Variants in GNAS observed in about 807,000 individuals in gnomAD.
GNAS encodes GNAS complex locus.
Under a neutral mutation model 54.5 loss-of-function variants are expected in GNAS, and 8 were observed. The ratio of observed to expected loss-of-function variants is 0.15; its 90% CI spans 0.09 to 0.26. The LOEUF (loss-of-function observed/expected upper bound fraction) is 0.26, where lower values mean the gene tolerates loss of function less well. GNAS is among the 10% of genes least tolerant of loss of function. GNAS has a pLI of 1.00. For missense variants in GNAS, 170 were observed against 529.8 expected (o/e 0.32, Z 6.67); for synonymous variants, 204 against 191.4 (o/e 1.07, Z -0.54).
At chr20:58,908,529 C>T (rs1221802730) in intron 6 of GNAS, among the ~76,000 whole-genome samples, 1 of 151,724 alleles carries the variant, frequency 6.6e-6, no homozygotes, top group African/African-American at 2.4e-5. Context: ...AAAACAATCT[C>T]GTGTGCCCTT....
At chr20:58,881,723 G>A (rs1002935231) in intron 1 of GNAS, 2 of 152,220 alleles carry the variant, frequency 1.3e-5, no homozygotes, top group African/African-American at 4.8e-5. Context: ...CCCATACCCG[G>A]GGGTAATCAT....
At chr20:58,899,834 C>G in intron 3 of GNAS, 1 of 686,084 alleles carries the variant, frequency 1.5e-6, no homozygotes, top group Admixed American at 2.2e-5. Context: ...GAACCATTGA[C>G]TTAGTTTAGG....
chr20:58,883,307 C>T (rs773118740), intron 1 of GNAS, among the ~76,000 whole-genome samples: 8 of 152,016 alleles, frequency 5.3e-5, no homozygotes, highest in Non-Finnish European at 8.8e-5. Flanking sequence ...TCAATTTTTT[C>T]GGTGTAATTA....
chr20:58,855,957 C>T (rs1600723524), intron 1 of GNAS: 1 of 343,630 alleles, frequency 2.9e-6, no homozygotes, highest in East Asian at 5.0e-5. Context: ...TTTCGCTGTT[C>T]GCACACTCTG....
chr20:58,878,685 G>A (rs2088002336), intron 1 of GNAS, among the ~76,000 whole-genome samples: 1 of 152,064 alleles, frequency 6.6e-6, no homozygotes, highest in African/African-American at 2.4e-5. Context: ...GAGGAACAGT[G>A]ATCTGGCTGA....
intron 2 of GNAS, among the ~76,000 whole-genome samples, chr20:58,897,113 G>C (rs998076577): frequency 1.3e-5 from 2 of 152,210 alleles, no homozygotes; most frequent in Non-Finnish European, 2.9e-5. Context: ...GATTGGTTGG[G>C]ATGCACAGGG....
chr20:58,861,033 G>A (rs1214407022), intron 1 of GNAS, among the ~76,000 whole-genome samples: 2 of 152,068 alleles, frequency 1.3e-5, no homozygotes, highest in African/African-American at 4.8e-5. Context: ...ATTCCCAAAG[G>A]CAGCCATGCT....
chr20:58,891,863 TG>T lies in GNAS; in HGVS notation c.139+1del. 1.7e-6 allele frequency: 2 copies of T among 1,208,324 alleles called. No individual in the cohort carries two copies. Among genetic ancestry groups the T allele is most frequent in the Non-Finnish European group, 1.1e-6 (1 of 935,552 alleles). 74.9% of individuals were successfully genotyped at this position (1,208,324 alleles called of 1,614,324 possible). On this transcript the variant is annotated frameshift_variant and splice_region_variant, in exon 1 of 13. Transcript: ENST00000371085. LOFTEE classifies it high-confidence loss of function. ...VYRATHRLLLLGAGESGKSTI... is the reference protein window; with the variant it reads ...VYRATHRLLLXGAGESGKSTI... The stretch of plus-strand genomic sequence containing the variant: ...CGGGCCACGCACCGCCTGCTGCTGC[TG>T]GGTAAGGGCGGGCGGGGGGCGCCGG...
upstream of GNAS, among the ~76,000 whole-genome samples, chr20:58,890,173 AGAG>A (rs1298515734): frequency 1.3e-5 from 2 of 151,720 alleles, no homozygotes; most frequent in African/African-American, 4.8e-5. Context: ...AAGGAGAAGG[AGAG>A]GAAGAAGATG....
At chr20:58,891,024 A>G (rs2089186966), upstream of GNAS, among the ~76,000 whole-genome samples, 1 of 148,906 alleles carries the variant, frequency 6.7e-6, no homozygotes, top group African/African-American at 2.5e-5. Flanking sequence ...GCGCCGGGCG[A>G]CGCGGTCCGG....
chr20:58,875,048 A>G (rs1203712314), intron 1 of GNAS, among the ~76,000 whole-genome samples: 1 of 152,162 alleles, frequency 6.6e-6, no homozygotes, highest in African/African-American at 2.4e-5. Flanking sequence ...TATCTGTGTA[A>G]TACAGATTGC....
chr20:58,872,917 G>A (rs2087562885), intron 1 of GNAS, among the ~76,000 whole-genome samples: 1 of 152,198 alleles, frequency 6.6e-6, no homozygotes, highest in Non-Finnish European at 1.5e-5. Context: ...CTAATTTGTT[G>A]TGGTTGGACC....
At position 58,854,799 on chromosome 20, in the gene GNAS, C is replaced by T. The variant is rs766854994; in HGVS notation, c.43+13913C>T. ...TGCCACCCGGGCAGCCCAAGTCCGC[C>T]GGGCGGCCTCTGCAGCCCCTGCCTC... On this transcript the variant is annotated intron_variant, in intron 1 of 12. Transcript: ENST00000306090. 4.3e-5 allele frequency: 68 copies of T among 1,580,976 alleles called. No individual in the cohort carries two copies. The highest frequency in any genetic ancestry group is 4.2e-5 in the Non-Finnish European group (49 of 1,170,726).
chr20:58,891,205 G>C (rs537766743), upstream of GNAS: 45 of 149,266 alleles, frequency 3.0e-4, 1 homozygote, highest in East Asian at 8.0e-3. Flanking sequence ...CGGGCTCCCG[G>C]GGGGCCGCCT....
intron 2 of GNAS, among the ~76,000 whole-genome samples, chr20:58,896,637 A>G (rs141070224): frequency 2.6e-3 from 396 of 152,206 alleles, no homozygotes; most frequent in Non-Finnish European, 4.7e-3. Context: ...AAAAAAAAGA[A>G]AAAGAAAAAA....
intron 6 of GNAS, among the ~76,000 whole-genome samples, chr20:58,906,363 C>T (rs2091047600): frequency 6.6e-6 from 1 of 152,142 alleles, no homozygotes. Context: ...ACCTGACTTA[C>T]CATTGCCTCA....
rs1412270273 is a variant in GNAS, at chr20:58,873,906, A to ACACAACTTCAACTT, written c.44-21704_44-21703insCAACTTCAACTTCA. 1.4e-4 allele frequency among the ~76,000 whole-genome samples: 21 copies of ACACAACTTCAACTT among 152,224 alleles called. No homozygotes were observed. The highest frequency in any genetic ancestry group is 3.1e-4 in the Non-Finnish European group (21 of 68,040). On this transcript the variant is annotated intron_variant, in intron 1 of 12. Transcript: ENST00000306090. This position sits in a 1 kb window ranked among gnomAD's most constrained non-coding sequence, Gnocchi z 4.3. ...AAAGATTGTCAACCAAAAGACTTCA[A>ACACAACTTCAACTT]CAACCTGCTAAGAGTCTTCCAGCCC... is the stretch of plus-strand genomic sequence containing the variant.
At chr20:58,881,019 G>T (rs188767053) in intron 1 of GNAS, among the ~76,000 whole-genome samples, 1 of 152,164 alleles carries the variant, frequency 6.6e-6, no homozygotes, top group Non-Finnish European at 1.5e-5. Context: ...ATATTAATTC[G>T]ATTTGGGGAT....
rs1057524198 is a variant in GNAS at position 58,854,184 on chromosome 20, C to A, written c.43+13298C>A. 4.3e-6 allele frequency: 7 copies of A among 1,612,876 alleles called. No individual in the cohort carries two copies. The African/African-American group carries it at 5.3e-5, about 12-fold the overall frequency. On this transcript the variant is annotated intron_variant, in intron 1 of 12. Transcript: ENST00000306090. ...CAGCCCCTGGATGGAGATCTCCGGA[C>A]CCCCGTTCGAGATTGGCAGCGCCCC...
Sources: gnomAD v4.1 joint callset for allele counts (sites outside exome capture counted in the v4.1 genomes callset) on GRCh38, gnomAD v4.1.1 for gene constraint, Gnocchi (gnomAD v3.1) non-coding constraint, MANE v1.5 for transcripts, NCBI Gene and HGNC (gene_info 2026-07-23, HGNC 2026-07-21) for gene names.